TCF4: variants seen among roughly 807,000 people sequenced by gnomAD.
The protein encoded by TCF4 is SL3-3 enhancer factor 2.
In TCF4, 3 loss-of-function variants were observed where a neutral mutation model predicts 82.1. That is an observed-to-expected ratio of 0.04 (90% CI 0.02 to 0.09). The LOEUF (loss-of-function observed/expected upper bound fraction) is 0.09, where lower values mean the gene tolerates loss of function less well. TCF4 is among the 10% of genes least tolerant of loss of function. TCF4 has a pLI of 1.00. For missense variants in TCF4, 518 were observed against 852.7 expected, an observed-to-expected ratio of 0.61 and a Z score of 4.89; for synonymous variants, 276 against 309.6, an observed-to-expected ratio of 0.89 and a Z score of 1.14.
chr18:55,283,120 A>AAAGCT (rs1404061203), intron 8 of TCF4, among the ~76,000 whole-genome samples: 2 of 152,160 alleles, frequency 1.3e-5, no homozygotes, highest in Non-Finnish European at 2.9e-5. Context: ...GAGTTTAACA[A>AAAGCT]AAATCTCTAG....
chr18:55,337,059 TTA>T (rs1369403578), intron 8 of TCF4, among the ~76,000 whole-genome samples: 2 of 152,134 alleles, frequency 1.3e-5, no homozygotes, highest in African/African-American at 2.4e-5. Flanking sequence ...TAACACACTT[TTA>T]GTGTCCCCAG....
chr18:55,359,861 G>T (rs1603339532), intron 6 of TCF4, among the ~76,000 whole-genome samples: 1 of 152,288 alleles, frequency 6.6e-6, no homozygotes, highest in African/African-American at 2.4e-5. Context: ...TGTCTGTGAG[G>T]AAATCAGTTG....
At chr18:55,598,426 T>C (rs2097693432) in intron 2 of TCF4, among the ~76,000 whole-genome samples, 1 of 152,228 alleles carries the variant, frequency 6.6e-6, no homozygotes, top group Non-Finnish European at 1.5e-5. Flanking sequence ...CTGGGATACA[T>C]GCACAGAACG....
rs557790682 is a variant in TCF4 at position 55,362,455 on chromosome 18, A to T, written c.370-11452T>A. 4.6e-5 allele frequency among the ~76,000 whole-genome samples: 7 copies of T among 152,016 alleles called. No individual in the cohort carries two copies. The South Asian group carries it at 1.2e-3, about 27-fold the overall frequency. Reference sequence around the variant, plus strand: ...GAAGGAAAAAAAAAAAGAAGAAAACATGTATCTGACCCTGACCTTTGGACT... The same window carrying T: ...GAAGGAAAAAAAAAAAGAAGAAAACTTGTATCTGACCCTGACCTTTGGACT... On this transcript the variant is annotated intron_variant, in intron 6 of 19. Coordinates refer to ENST00000354452, the MANE Select transcript of TCF4 (RefSeq NM_001083962.2).
At chr18:55,243,860 G>A (rs1300591794) in intron 15 of TCF4, among the ~76,000 whole-genome samples, 2 of 152,188 alleles carry the variant, frequency 1.3e-5, no homozygotes, top group East Asian at 3.9e-4. Flanking sequence ...AATGGCAAAC[G>A]TTCACCCATT....
At chr18:55,290,144 T>C (rs887198923) in intron 8 of TCF4, among the ~76,000 whole-genome samples, 1 of 152,238 alleles carries the variant, frequency 6.6e-6, no homozygotes, top group African/African-American at 2.4e-5. Context: ...TGGAATTACC[T>C]ATAATGGTCC....
At chr18:55,382,142 G>A (rs1167400904) in intron 6 of TCF4, among the ~76,000 whole-genome samples, 1 of 152,044 alleles carries the variant, frequency 6.6e-6, no homozygotes. Flanking sequence ...TCTATATTGG[G>A]ATATATATTT....
intron 5 of TCF4, among the ~76,000 whole-genome samples, chr18:55,445,276 G>A (rs985691346): frequency 6.6e-6 from 1 of 152,018 alleles, no homozygotes; most frequent in Non-Finnish European, 1.5e-5. Flanking sequence ...CTGTGTATTA[G>A]AGCATTTTTA....
chr18:55,280,911 G>A (rs1448383418), intron 8 of TCF4, among the ~76,000 whole-genome samples: 1 of 152,086 alleles, frequency 6.6e-6, no homozygotes, highest in Non-Finnish European at 1.5e-5. Flanking sequence ...AGAGACAGAT[G>A]TGGGAAAATA....
chr18:55,609,092 G>A (rs904647091), intron 2 of TCF4, among the ~76,000 whole-genome samples: 5 of 152,152 alleles, frequency 3.3e-5, no homozygotes, highest in Non-Finnish European at 5.9e-5. Flanking sequence ...CAGGAAGTGG[G>A]CTGGGCTCTT....
At chr18:55,570,920 G>T (rs1489716339) in intron 3 of TCF4, among the ~76,000 whole-genome samples, 1 of 151,332 alleles carries the variant, frequency 6.6e-6, no homozygotes, top group Non-Finnish European at 1.5e-5. Context: ...ACTATAATGG[G>T]ATACATTTTC....
chr18:55,536,077 A>T (rs2097112096), intron 3 of TCF4, among the ~76,000 whole-genome samples: 1 of 152,172 alleles, frequency 6.6e-6, no homozygotes, highest in Admixed American at 6.5e-5. Flanking sequence ...AAAATAACTA[A>T]AGTTGCGTTA....
At chr18:55,559,133 G>C (rs376531301) in intron 3 of TCF4, among the ~76,000 whole-genome samples, 10 of 117,730 alleles carry the variant, frequency 8.5e-5, no homozygotes, top group South Asian at 8.5e-4. Flanking sequence ...AAGCCAACTA[G>C]AACACGTTCC....
chr18:55,380,704 G>A (rs1450669864), intron 6 of TCF4, among the ~76,000 whole-genome samples: 1 of 152,210 alleles, frequency 6.6e-6, no homozygotes, highest in Non-Finnish European at 1.5e-5. Flanking sequence ...TGTGAGCAGG[G>A]ATGCTCATTC....
At chr18:55,332,294 G>A (rs996610127) in intron 8 of TCF4, 2 of 149,324 alleles carry the variant, frequency 1.3e-5, no homozygotes, top group Non-Finnish European at 3.0e-5. Flanking sequence ...AACACATTCC[G>A]TTTATCTAGA....
rs117817863 is a variant in TCF4 at position 55,586,590 on chromosome 18, C to A, written c.72+455G>T. Among the ~76,000 whole-genome samples the A allele has an allele frequency of 5.9e-5, 9 of 152,284 alleles. No homozygotes were observed. The East Asian group carries it at 1.7e-3, about 29-fold the overall frequency. On this transcript the variant is annotated intron_variant, in intron 2 of 19. Coordinates refer to ENST00000354452, the MANE Select transcript of TCF4 (RefSeq NM_001083962.2). ...GTAAGATGTAAGGAACAGGTCCTAC[C>A]AATCCAAAGCATCATTAGCTTAAAA...
At chr18:55,455,244 G>A (rs1319881826) in intron 5 of TCF4, among the ~76,000 whole-genome samples, 2 of 144,070 alleles carry the variant, frequency 1.4e-5, no homozygotes, top group African/African-American at 5.1e-5. Flanking sequence ...AAGAAAGGAA[G>A]AAGTAGAAGA....
In TCF4 at chr18:55,547,682, T is replaced by C. The variant is rs115148303; in HGVS notation, c.145+37598A>G. Among the ~76,000 whole-genome samples, 905 of 152,330 alleles carry C rather than the reference T, an allele frequency of 5.9e-3. 9 individuals are homozygous for C. Among genetic ancestry groups the C allele is most frequent in the African/African-American group, 0.021 (858 of 41,562 alleles). On this transcript the variant is annotated intron_variant, in intron 3 of 19. Coordinates refer to ENST00000354452, the MANE Select transcript of TCF4 (RefSeq NM_001083962.2). ...CTTCCTAGGCCATCTTTTTGATGAATTGTTTGAAACGTTGTAAGAAAACTT... is the reference window on the plus strand; with the variant it reads ...CTTCCTAGGCCATCTTTTTGATGAACTGTTTGAAACGTTGTAAGAAAACTT...
intron 6 of TCF4, among the ~76,000 whole-genome samples, chr18:55,387,128 T>C (rs1378801258): frequency 1.3e-5 from 2 of 152,254 alleles, no homozygotes; most frequent in East Asian, 1.9e-4. Context: ...GGGTAGTTCA[T>C]GGGATCCTCC....
Sources: allele counts gnomAD v4.1 joint callset (sites outside exome capture counted in the v4.1 genomes callset), GRCh38; gene constraint gnomAD v4.1.1; transcripts MANE v1.5; gene names NCBI Gene and HGNC (gene_info 2026-07-23, HGNC 2026-07-21).